The following IL17D variants were observed in gnomAD, a reference collection of about 807,000 sequenced individuals.
IL17D encodes the protein interleukin 17D, also known as interleukin-17D.
IL17D carries 10 observed loss-of-function variants against 5.7 expected under a neutral mutation model. The observed-to-expected ratio is 1.75, with a 90% CI of 1.08 to 2.97. The LOEUF (loss-of-function observed/expected upper bound fraction) is 2.97, where lower values mean the gene tolerates loss of function less well. Among genes scored for constraint, IL17D ranks in the 30% most tolerant of loss-of-function variants. The pLI is 0.00. For synonymous variants in IL17D, 172 were observed against 141.7 expected (o/e 1.21, Z -1.52); for missense variants, 354 against 292.7 (o/e 1.21, Z -1.53).
chr13:20,708,120 C>T (rs1189933802), intron 1 of IL17D, among the ~76,000 whole-genome samples: 2 of 152,176 alleles, frequency 1.3e-5, no homozygotes, highest in Non-Finnish European at 2.9e-5. Flanking sequence ...GCCATGTTGG[C>T]CAGGCTGGTC....
intron 1 of IL17D, among the ~76,000 whole-genome samples, chr13:20,709,365 A>C (rs536800535): frequency 4.6e-5 from 7 of 152,274 alleles, no homozygotes; most frequent in African/African-American, 1.7e-4. Flanking sequence ...ATATGTGTTC[A>C]CTGCTGCAAT....
In IL17D at chr13:20,704,219, C is replaced by A; in HGVS notation, c.218C>A (p.Ala73Glu). ...REQARNASCPAGGRPADRRFR... is the reference protein window; with the variant it reads ...REQARNASCPEGGRPADRRFR... ...CAGGCGCGCAACGCGAGCTGCCCGG[C>A]AGGGGGCAGGCCCGCCGACCGCCGC... is the stretch of plus-strand genomic sequence containing the variant. Residue 73 changes from alanine to glutamate, a missense_variant, in exon 1 of 2, where the codon GCA becomes GAA. Ala to Glu is a moderately radical substitution (Grantham distance 107). Coordinates refer to ENST00000682841, the MANE Select transcript of IL17D (RefSeq NM_001385224.1). 7.4e-7 allele frequency: 1 copy of A among 1,360,502 alleles called. No individual in the cohort carries two copies. 84.3% of individuals were successfully genotyped at this position (1,360,502 alleles called of 1,614,324 possible).
At chr13:20,719,506 C>CTCA (rs1566521714) in intron 1 of IL17D, among the ~76,000 whole-genome samples, 1 of 152,234 alleles carries the variant, frequency 6.6e-6, no homozygotes, top group Non-Finnish European at 1.5e-5. Context: ...CATGCTCACA[C>CTCA]TCATGTTCAC....
chr13:20,719,669 G>A (rs1328992725), intron 1 of IL17D, among the ~76,000 whole-genome samples: 2 of 152,174 alleles, frequency 1.3e-5, no homozygotes, highest in African/African-American at 2.4e-5. Context: ...TCATCACTCA[G>A]CAAAATGCTG....
At chr13:20,706,384 T>C (rs1036159979) in intron 1 of IL17D, among the ~76,000 whole-genome samples, 6 of 152,248 alleles carry the variant, frequency 3.9e-5, no homozygotes, top group African/African-American at 1.4e-4. Context: ...TTAACTTCTC[T>C]GGACAGAAGC....
At chr13:20,712,584 CG>C (rs2058647983) in intron 1 of IL17D, 1 of 152,092 alleles carries the variant, frequency 6.6e-6, no homozygotes, top group Non-Finnish European at 1.5e-5. Flanking sequence ...AGCAAAACTA[CG>C]TCTCAAAAAC....
chr13:20,708,274 G>A (rs1203910576), intron 1 of IL17D, among the ~76,000 whole-genome samples: 1 of 152,336 alleles, frequency 6.6e-6, no homozygotes, highest in African/African-American at 2.4e-5. Flanking sequence ...AACGTCAGGA[G>A]TACTGATGGG....
intron 1 of IL17D, among the ~76,000 whole-genome samples, chr13:20,720,447 A>G (rs1334007810): frequency 2.0e-5 from 3 of 152,214 alleles, no homozygotes; most frequent in Non-Finnish European, 2.9e-5. Context: ...GTGGAAAAAA[A>G]TTCTACAACT....
At chr13:20,702,286 A>C (rs1396178861), upstream of IL17D, 1 of 152,254 alleles carries the variant, frequency 6.6e-6, no homozygotes, top group Non-Finnish European at 1.5e-5. Context: ...GATTTTTAGC[A>C]GTAGATTACT....
Position 20,722,320 on chromosome 13 carries a change from TAGG to T in IL17D, c.*367_*369del. 1 of 255,668 alleles carries T rather than the reference TAGG, an allele frequency of 3.9e-6. No individual in the cohort carries two copies. Among genetic ancestry groups the T allele is most frequent in the Non-Finnish European group, 7.3e-6 (1 of 136,308 alleles). 15.8% of individuals were successfully genotyped at this position (255,668 alleles called of 1,614,324 possible). On this transcript the variant is annotated 3_prime_UTR_variant, in exon 2 of 2. Coordinates refer to ENST00000682841, the MANE Select transcript of IL17D (RefSeq NM_001385224.1). ...CACCGCTGGGTGCTTGCCAAAGAGATAGGGACGCATATGCTTTTTAAAGCAATC... is the reference window on the plus strand; with the variant it reads ...CACCGCTGGGTGCTTGCCAAAGAGATGACGCATATGCTTTTTAAAGCAATC...
chr13:20,715,689 AT>A (rs1333658279), intron 1 of IL17D, among the ~76,000 whole-genome samples: 3 of 152,062 alleles, frequency 2.0e-5, no homozygotes, highest in South Asian at 4.2e-4. Flanking sequence ...TGCATTAAAA[AT>A]TTTTTTTAAC....
intron 1 of IL17D, among the ~76,000 whole-genome samples, chr13:20,708,766 G>A (rs1211656876): frequency 4.0e-5 from 6 of 149,640 alleles, no homozygotes; most frequent in African/African-American, 1.5e-4. Context: ...TTGGGAGGCC[G>A]AGGCAGGAGG....
upstream of IL17D, chr13:20,702,507 GATC>G (rs2058553250): frequency 6.6e-6 from 1 of 152,202 alleles, no homozygotes; most frequent in Non-Finnish European, 1.5e-5. Flanking sequence ...GCTTTAAAAT[GATC>G]ATATTCTTTA....
chr13:20,711,200 G>A lies in IL17D; in HGVS notation c.290+6909G>A, dbSNP rs559741778. ...AATCACTTGAACTGGGGAGGTGGAG[G>A]TTGCAGTGAGCTGAGATCATGCCAT... On this transcript the variant is annotated intron_variant, in intron 1 of 1. Coordinates refer to ENST00000682841, the MANE Select transcript of IL17D (RefSeq NM_001385224.1). 3.3e-5 allele frequency among the ~76,000 whole-genome samples: 5 copies of A among 152,106 alleles called. No homozygotes were observed. In the East Asian group the frequency reaches 9.7e-4, roughly 29 times the overall value.
chr13:20,721,848 C>A lies in IL17D; in HGVS notation c.503C>A (p.Thr168Asn), dbSNP rs1157607118. The A allele has an allele frequency of 1.9e-6, 3 of 1,610,690 alleles. No homozygotes were observed. The highest frequency in any genetic ancestry group is 2.5e-6 in the Non-Finnish European group (3 of 1,179,788). ...TACGTCACCATCCCCGTGGGCTGCA[C>A]CTGCGTCCCCGAGCCGGAGAAGGAC... ...EAYVTIPVGC[T>N]CVPEPEKDAD... The change falls in exon 2 of 2, where the codon ACC (threonine) becomes AAC (asparagine). Residue 168 changes from threonine to asparagine, a missense_variant. By Grantham distance (65) the Thr-to-Asn change is moderately conservative. Transcript: ENST00000682841.
At chr13:20,719,771 A>G (rs1595003337) in intron 1 of IL17D, among the ~76,000 whole-genome samples, 1 of 151,920 alleles carries the variant, frequency 6.6e-6, no homozygotes, top group African/African-American at 2.4e-5. Flanking sequence ...CTAGGATCCA[A>G]CCTCCAGCAG....
chr13:20,715,602 G>A (rs41331846), intron 1 of IL17D, among the ~76,000 whole-genome samples: 1,889 of 152,292 alleles, frequency 0.012, 43 homozygotes, highest in African/African-American at 0.044. Context: ...GCTTAAATGA[G>A]TGAAACAGAT....
At chr13:20,703,319 T>G (rs548533748), upstream of IL17D, 21 of 986,268 alleles carry the variant, frequency 2.1e-5, no homozygotes, top group African/African-American at 3.5e-4. Flanking sequence ...TTGGGGGCAC[T>G]GGTGAGTACA....
At chr13:20,709,752 T>A (rs2058619731) in intron 1 of IL17D, among the ~76,000 whole-genome samples, 1 of 152,150 alleles carries the variant, frequency 6.6e-6, no homozygotes, top group African/African-American at 2.4e-5. Context: ...GACATGTTAG[T>A]TTTTAAGTTG....
Sources: allele counts gnomAD v4.1 joint callset (sites outside exome capture counted in the v4.1 genomes callset), GRCh38; gene constraint gnomAD v4.1.1; transcripts MANE v1.5; gene names NCBI Gene and HGNC (gene_info 2026-07-23, HGNC 2026-07-21).